Variants in RIPK1 observed in about 807,000 individuals in gnomAD.
RIPK1 encodes receptor interacting serine/threonine kinase 1.
Under a neutral mutation model 62.4 loss-of-function variants are expected in RIPK1, and 27 were observed. The observed-to-expected ratio is 0.43, with a 90% confidence interval of 0.32 to 0.60. The LOEUF (loss-of-function observed/expected upper bound fraction) is 0.60, where lower values mean the gene tolerates loss of function less well. Ranked by LOEUF, RIPK1 falls within the 20% of genes least tolerant of loss-of-function variation. The pLI is 0.07. For missense variants in RIPK1, 735 were observed against 831.0 expected (o/e 0.88, Z 1.42); for synonymous variants, 287 against 303.2 (o/e 0.95, Z 0.55).
chr6:3,107,374 G>A (rs1490097047), intron 9 of RIPK1, among the ~76,000 whole-genome samples: 1 of 148,178 alleles, frequency 6.7e-6, no homozygotes, highest in Non-Finnish European at 1.5e-5. Flanking sequence ...GGCTAACACG[G>A]TGAAACCCCG....
At chr6:3,087,761 C>G (rs6931688) in intron 6 of RIPK1, among the ~76,000 whole-genome samples, 19,828 of 149,092 alleles carry the variant, frequency 0.13, 3,439 homozygotes, top group African/African-American at 0.41. Context: ...GGATGGTCTC[C>G]ATCTCCTGAC....
At chr6:3,100,382 C>T (rs1760531327) in intron 7 of RIPK1, among the ~76,000 whole-genome samples, 2 of 151,336 alleles carry the variant, frequency 1.3e-5, no homozygotes, top group Non-Finnish European at 2.9e-5. Flanking sequence ...CAAGATTGTG[C>T]CACTACACTC....
chr6:3,100,671 A>G (rs1050817117), intron 7 of RIPK1, among the ~76,000 whole-genome samples: 6 of 150,692 alleles, frequency 4.0e-5, no homozygotes, highest in Non-Finnish European at 7.4e-5. Flanking sequence ...GCTCACTACA[A>G]CCTCCACCTC....
upstream of RIPK1, among the ~76,000 whole-genome samples, chr6:3,066,304 G>T (rs1758377934): frequency 6.6e-6 from 1 of 152,336 alleles, no homozygotes; most frequent in East Asian, 1.9e-4. Flanking sequence ...GATTACAGGT[G>T]TGAGCCACTA....
rs774996232 is a variant in RIPK1 at position 3,077,805 on chromosome 6, C to T, written c.191C>T (p.Ala64Val). 34 of 1,613,998 alleles carry T rather than the reference C, an allele frequency of 2.1e-5. No homozygotes were observed. The East Asian group carries it at 2.2e-4, about 11-fold the overall frequency. Residue 64 changes from alanine (A) to valine (V), a missense_variant, in exon 3 of 11, where the codon GCG (alanine) becomes GTG (valine). By Grantham distance (64) the Ala-to-Val change is moderately conservative. Coordinates refer to ENST00000259808, the MANE Select transcript of RIPK1 (RefSeq NM_001354930.2). Reference sequence around the variant, plus strand: ...CACAACGAGGCCCTCTTGGAGGAGGCGAAGATGATGAACAGACTGAGACAC... The same window carrying T: ...CACAACGAGGCCCTCTTGGAGGAGGTGAAGATGATGAACAGACTGAGACAC... The part of the protein sequence containing the change: ...IEHNEALLEE[A>V]KMMNRLRHSR...
intron 1 of RIPK1, among the ~76,000 whole-genome samples, chr6:3,074,107 T>C (rs1581380966): frequency 6.6e-6 from 1 of 152,248 alleles, no homozygotes; most frequent in Non-Finnish European, 1.5e-5. Context: ...CTGCTGAGTA[T>C]GGGCAGATGC....
Position 3,113,448 on chromosome 6 carries a change from G to A in RIPK1, c.*109G>A. ...TTCTGTCCTCACTGATAGGGGTTCT[G>A]TGTCTGCAGAAATTTTGTTTCCTGT... On this transcript the variant is annotated 3_prime_UTR_variant, in exon 11 of 11. Coordinates refer to ENST00000259808, the MANE Select transcript of RIPK1 (RefSeq NM_001354930.2). This position sits in a 1 kb window ranked among gnomAD's most constrained non-coding sequence, Gnocchi z 5.0. The A allele has an allele frequency of 9.4e-7, 1 of 1,059,276 alleles. No homozygotes were observed. Among genetic ancestry groups the A allele is most frequent in the African/African-American group, 1.6e-5 (1 of 62,448 alleles). 65.6% of individuals were successfully genotyped at this position (1,059,276 alleles called of 1,614,324 possible).
intron 6 of RIPK1, among the ~76,000 whole-genome samples, chr6:3,086,962 C>T (rs1390985041): frequency 6.6e-6 from 1 of 152,196 alleles, no homozygotes; most frequent in Non-Finnish European, 1.5e-5. Context: ...TAGAAGACTC[C>T]AAGGATTTTA....
At chr6:3,107,252 G>GA (rs761852945) in intron 9 of RIPK1, among the ~76,000 whole-genome samples, 3,986 of 117,310 alleles carry the variant, frequency 0.034, 181 homozygotes, top group African/African-American at 0.11. Context: ...ATTGTGTCTC[G>GA]AAAAAAAAAA....
At chr6:3,074,768 G>A (rs937006135) in intron 1 of RIPK1, among the ~76,000 whole-genome samples, 1 of 151,952 alleles carries the variant, frequency 6.6e-6, no homozygotes, top group Non-Finnish European at 1.5e-5. Context: ...TGCAACCTCC[G>A]CCTCCCAAAT....
At chr6:3,097,177 T>G (rs1325047176) in intron 7 of RIPK1, among the ~76,000 whole-genome samples, 1 of 151,822 alleles carries the variant, frequency 6.6e-6, no homozygotes, top group Non-Finnish European at 1.5e-5. Flanking sequence ...AGCCTATATC[T>G]CAACCTTTTA....
In RIPK1 at chr6:3,069,921, G is replaced by A. The variant is rs1353645508; in HGVS notation, c.-61+1260G>A. On this transcript the variant is annotated intron_variant, in intron 1 of 10. Transcript: ENST00000259808. ...AGCTACGCGGGAGGCTGAGGCAGGA[G>A]AATGGCTTGAACCCAGGAGGCGGTA... 2.6e-5 allele frequency among the ~76,000 whole-genome samples: 4 copies of A among 152,160 alleles called. No homozygotes were observed. The East Asian group carries it at 7.7e-4, about 29-fold the overall frequency.
intron 3 of RIPK1, among the ~76,000 whole-genome samples, chr6:3,079,761 G>C (rs1180318695): frequency 2.0e-5 from 3 of 152,208 alleles, no homozygotes; most frequent in African/African-American, 7.2e-5. Flanking sequence ...ATTATAGTTT[G>C]ATCAGATTGC....
rs1342536681 is a variant in RIPK1 at position 3,105,012 on chromosome 6, C to T, written c.1007-470C>T. ...GATTACAGGCATGCACCACCATGCC[C>T]GGCTAATTTTTGTATTTTCAGTAGA... On this transcript the variant is annotated intron_variant, in intron 8 of 10. Coordinates refer to ENST00000259808, the MANE Select transcript of RIPK1 (RefSeq NM_001354930.2). This position sits in a 1 kb window ranked among gnomAD's most constrained non-coding sequence, Gnocchi z 4.5. 6.6e-6 allele frequency among the ~76,000 whole-genome samples: 1 copy of T among 152,054 alleles called. No homozygotes were observed. The highest frequency in any genetic ancestry group is 1.5e-5 in the Non-Finnish European group (1 of 68,016).
At chr6:3,094,417 G>T (rs539447330) in intron 7 of RIPK1, among the ~76,000 whole-genome samples, 38 of 152,134 alleles carry the variant, frequency 2.5e-4, no homozygotes, top group Admixed American at 2.6e-4. Flanking sequence ...GTGGTTAGAA[G>T]TAACGAAATA....
chr6:3,104,078 G>A, intron 7 of RIPK1, 147 bp from the exon 8 acceptor site: 1 of 556,008 alleles, frequency 1.8e-6, no homozygotes. Flanking sequence ...TGGCTATTTG[G>A]GAAAAACATT....
At chr6:3,081,254 G>A in intron 4 of RIPK1, 138 bp downstream of exon 4, 1 of 940,592 alleles carries the variant, frequency 1.1e-6, no homozygotes, top group South Asian at 1.7e-5. Flanking sequence ...GTGCCGAAAG[G>A]CTCTACCGGT....
rs2113553329 is a variant in RIPK1 at position 3,072,883 on chromosome 6, T to C, written c.-60-3881T>C. 6.7e-6 allele frequency among the ~76,000 whole-genome samples: 1 copy of C among 148,950 alleles called. No homozygotes were observed. The highest frequency in any genetic ancestry group is 2.1e-4 in the South Asian group (1 of 4,824). On this transcript the variant is annotated intron_variant, in intron 1 of 10. Transcript: ENST00000259808. The surrounding 1 kb of genome is among the most constrained non-coding windows in gnomAD (Gnocchi z 5.6). Reference sequence around the variant, plus strand: ...AGTGAATGAAAAAGGAGGCCTAAAATCAATGTTATCTTTTATGCCCTCTGT... The same window carrying C: ...AGTGAATGAAAAAGGAGGCCTAAAACCAATGTTATCTTTTATGCCCTCTGT...
chr6:3,082,645 T>C (rs1034898534), intron 4 of RIPK1, among the ~76,000 whole-genome samples: 3 of 152,186 alleles, frequency 2.0e-5, no homozygotes, highest in African/African-American at 7.2e-5. Context: ...CTGGACGCCA[T>C]TTGGGGAAAT....
Sources: allele counts gnomAD v4.1 joint callset (sites outside exome capture counted in the v4.1 genomes callset), GRCh38; gene constraint gnomAD v4.1.1; non-coding constraint Gnocchi (gnomAD v3.1); transcripts MANE v1.5; gene names NCBI Gene and HGNC (gene_info 2026-07-23, HGNC 2026-07-21).